The following ZNF280C variants were observed in gnomAD, a reference collection of about 807,000 sequenced individuals.
ZNF280C encodes the protein suppressor of hairy wing homolog 3.
In ZNF280C, 14 loss-of-function variants were observed where a neutral mutation model predicts 53.6. That is an observed-to-expected ratio of 0.26 (90% CI 0.17 to 0.41). The LOEUF is 0.41. ZNF280C is among the 10% of genes least tolerant of loss of function. The probability of loss-of-function intolerance (pLI) is 1.00; values close to 1 mark genes in which losing one functional copy is unlikely to be tolerated. For missense variants in ZNF280C, 416 were observed against 547.1 expected (o/e 0.76, Z 2.39); for synonymous variants, 203 against 181.1 (o/e 1.12, Z -0.97).
rs763844656 is a variant in ZNF280C at position 130,226,854 on chromosome X, C to T, written c.1300G>A (p.Ala434Thr). ...TFSDVEAHFRAAHENTKNLLC... is the reference protein window; with the variant it reads ...TFSDVEAHFRTAHENTKNLLC... Reference sequence around the variant, plus strand: ...AAGTTCTTAGTGTTTTCATGGGCTGCTCTAAAATGAGCTTCTACATCAGAA... The same window carrying T: ...AAGTTCTTAGTGTTTTCATGGGCTGTTCTAAAATGAGCTTCTACATCAGAA... The change falls in exon 12 of 19, where the codon GCA becomes ACA. Residue 434 changes from alanine to threonine, a missense_variant. By Grantham distance (58) the Ala-to-Thr change is moderately conservative. Coordinates refer to ENST00000370978, the MANE Select transcript of ZNF280C (RefSeq NM_017666.5). 8.3e-7 allele frequency: 1 copy of T among 1,206,835 alleles called. No individual in the cohort carries two copies. The highest frequency in any genetic ancestry group is 1.8e-5 in the South Asian group (1 of 55,573).
intron 12 of ZNF280C, among the ~76,000 whole-genome samples, chrX:130,226,187 A>C (rs1004164281): frequency 1.8e-5 from 2 of 112,550 alleles, no homozygotes; most frequent in Admixed American, 9.4e-5. Context: ...ATATCTGGTC[A>C]TAAGTGTTCT....
At chrX:130,208,397 T>A (rs2032002598) in intron 16 of ZNF280C, among the ~76,000 whole-genome samples, 2 of 111,858 alleles carry the variant, frequency 1.8e-5, no homozygotes, top group South Asian at 7.4e-4. Context: ...CCCAAAGTGC[T>A]GGGATTACAG....
At chrX:130,249,870 T>C (rs894443667) in intron 2 of ZNF280C, among the ~76,000 whole-genome samples, 1 of 111,846 alleles carries the variant, frequency 8.9e-6, no homozygotes, top group Non-Finnish European at 1.9e-5. Flanking sequence ...GTCACTGAGA[T>C]GCAGGAGTAC....
intron 5 of ZNF280C, among the ~76,000 whole-genome samples, chrX:130,242,234 C>A (rs1007090073): frequency 5.5e-5 from 6 of 110,077 alleles, no homozygotes; most frequent in Non-Finnish European, 9.5e-5. Context: ...CAGAGCAAGA[C>A]ACCGTCTCAA....
intron 2 of ZNF280C, among the ~76,000 whole-genome samples, chrX:130,255,046 T>C (rs1603245876): frequency 9.5e-6 from 1 of 104,847 alleles, no homozygotes; most frequent in African/African-American, 3.5e-5. Flanking sequence ...AAAAGTCAAA[T>C]GTCAAAGTTG....
intron 6 of ZNF280C, among the ~76,000 whole-genome samples, chrX:130,237,106 G>T: frequency 8.9e-6 from 1 of 111,829 alleles, no homozygotes; most frequent in Non-Finnish European, 1.9e-5. Flanking sequence ...AACGTTTAGA[G>T]AAACATTTTT....
chrX:130,236,546 G>A lies in ZNF280C; in HGVS notation c.587C>T (p.Pro196Leu). The change falls in exon 7 of 19, where the codon CCT becomes CTT. Residue 196 changes from proline (P) to leucine (L), a missense_variant. Pro to Leu is a moderately conservative substitution (Grantham distance 98). Coordinates refer to ENST00000370978, the MANE Select transcript of ZNF280C (RefSeq NM_017666.5). ...CAATGAAGTGGAGGGATTTATCTGAGGAACATCTTCACTGGTCTTTGGTTT... is the reference window on the plus strand; with the variant it reads ...CAATGAAGTGGAGGGATTTATCTGAAGAACATCTTCACTGGTCTTTGGTTT... Reference protein sequence around the residue: ...PKKPKTSEDVPQINPSTSLPL... With the variant: ...PKKPKTSEDVLQINPSTSLPL... 1 of 1,206,382 alleles carries A rather than the reference G, an allele frequency of 8.3e-7. No homozygotes were observed. Among genetic ancestry groups the A allele is most frequent in the Non-Finnish European group, 1.1e-6 (1 of 891,895 alleles).
intron 16 of ZNF280C, among the ~76,000 whole-genome samples, chrX:130,208,670 C>G (rs911726095): frequency 9.1e-6 from 1 of 109,648 alleles, no homozygotes; most frequent in Admixed American, 9.8e-5. Flanking sequence ...TCTAATTCCT[C>G]GAATTCAATG....
chrX:130,247,046 A>G (rs1486497469), intron 2 of ZNF280C, 41 bp from the exon 3 acceptor site: 2 of 1,146,959 alleles, frequency 1.7e-6, no homozygotes, highest in African/African-American at 3.6e-5. Flanking sequence ...ATTTTCAAAG[A>G]GAAAAATATT....
At chrX:130,247,149 T>C in intron 2 of ZNF280C, 144 bp from the exon 3 acceptor site, 1 of 658,417 alleles carries the variant, frequency 1.5e-6, no homozygotes, top group Non-Finnish European at 2.2e-6. Flanking sequence ...TGTGACAGAG[T>C]TTTGCTTTTG....
At chrX:130,255,141 C>CT (rs754125713) in intron 2 of ZNF280C, among the ~76,000 whole-genome samples, 2,124 of 91,059 alleles carry the variant, frequency 0.023, 29 homozygotes, top group African/African-American at 0.029. Context: ...CTTTTTTTTT[C>CT]TTTTTTTTTT....
intron 3 of ZNF280C, among the ~76,000 whole-genome samples, chrX:130,245,305 A>G (rs1603244378): frequency 8.9e-6 from 1 of 112,042 alleles, no homozygotes; most frequent in Non-Finnish European, 1.9e-5. Context: ...TCATGCTTCA[A>G]TAAGATGATT....
chrX:130,249,336 T>C (rs1476061877), intron 2 of ZNF280C, among the ~76,000 whole-genome samples: 3 of 111,938 alleles, frequency 2.7e-5, no homozygotes, highest in South Asian at 3.7e-4. Flanking sequence ...GCTGTGCTGC[T>C]GCTGCCACTG....
At chrX:130,219,814 A>G (rs1264638223) in intron 13 of ZNF280C, among the ~76,000 whole-genome samples, 3 of 110,746 alleles carry the variant, frequency 2.7e-5, no homozygotes, top group Non-Finnish European at 5.7e-5. Context: ...AGAACATTGA[A>G]ACGACCTGCC....
intron 1 of ZNF280C, among the ~76,000 whole-genome samples, chrX:130,267,828 C>T (rs1190244575): frequency 8.9e-6 from 1 of 111,838 alleles, no homozygotes; most frequent in African/African-American, 3.3e-5. Flanking sequence ...AAAGACATTA[C>T]AACTCATAGT....
chrX:130,255,140 TC>T lies in ZNF280C; in HGVS notation c.31+5278del, dbSNP rs1409548599. Reference sequence around the variant, plus strand: ...GTAGAAAAATCATTTTCTTTTTTTTTCTTTTTTTTTTTTTTTTTGAGACGGA... The same window carrying T: ...GTAGAAAAATCATTTTCTTTTTTTTTTTTTTTTTTTTTTTTTTGAGACGGA... On this transcript the variant is annotated intron_variant, in intron 2 of 18. Transcript: ENST00000370978. Among the ~76,000 whole-genome samples the T allele has an allele frequency of 4.2e-4, 44 of 105,931 alleles. No individual in the cohort carries two copies. The East Asian group carries it at 9.6e-3, about 23-fold the overall frequency. The allele number at this position is 105,931 out of a possible 115,157, so 92.0% of individuals were successfully genotyped here.
chrX:130,236,740 A>G, intron 6 of ZNF280C, 101 bp from the exon 7 acceptor site: 1 of 507,658 alleles, frequency 2.0e-6, no homozygotes, highest in Non-Finnish European at 3.0e-6. Flanking sequence ...TTTAAAACTG[A>G]GCAAAAACAG....
intron 1 of ZNF280C, among the ~76,000 whole-genome samples, chrX:130,262,292 A>C (rs2032638577): frequency 9.0e-6 from 1 of 111,706 alleles, no homozygotes; most frequent in South Asian, 3.7e-4. Context: ...CTCCTCAGTC[A>C]CTCTAGCCAT....
intron 8 of ZNF280C, 55 bp downstream of exon 8, chrX:130,236,159 A>C: frequency 1.1e-6 from 1 of 870,145 alleles, no homozygotes; most frequent in Non-Finnish European, 1.6e-6. Context: ...AATTTTCAAT[A>C]TTTTCAAGGA....
Sources: allele counts gnomAD v4.1 joint callset (sites outside exome capture counted in the v4.1 genomes callset), GRCh38; gene constraint gnomAD v4.1.1; transcripts MANE v1.5; gene names NCBI Gene and HGNC (gene_info 2026-07-23, HGNC 2026-07-21).